Variants in AMPH observed in about 807,000 individuals in gnomAD.
AMPH encodes the protein amphiphysin.
AMPH carries 49 observed loss-of-function variants against 99.1 expected under a neutral mutation model. The observed-to-expected ratio is 0.49, with a 90% CI of 0.39 to 0.63. AMPH has a LOEUF of 0.63. Ranked by LOEUF, AMPH falls within the 20% of genes least tolerant of loss-of-function variation. The pLI is 0.00. For missense variants in AMPH, 759 were observed against 863.4 expected, an observed-to-expected ratio of 0.88 and a Z score of 1.52; for synonymous variants, 314 against 317.3, an observed-to-expected ratio of 0.99 and a Z score of 0.11.
intron 15 of AMPH, among the ~76,000 whole-genome samples, chr7:38,423,111 T>G (rs968002062): frequency 2.0e-5 from 3 of 152,248 alleles, no homozygotes; most frequent in Non-Finnish European, 4.4e-5. Flanking sequence ...TTCTGGCCGT[T>G]GATATCAAAT....
chr7:38,592,730 C>CA (rs397755917), intron 1 of AMPH, among the ~76,000 whole-genome samples: 2,016 of 98,598 alleles, frequency 0.02, 16 homozygotes, highest in Non-Finnish European at 0.025. Context: ...GACTCCGTCT[C>CA]AAAAAAAAAA....
At chr7:38,624,461 C>T (rs1428828815) in intron 1 of AMPH, among the ~76,000 whole-genome samples, 3 of 151,654 alleles carry the variant, frequency 2.0e-5, no homozygotes, top group African/African-American at 7.3e-5. Flanking sequence ...GTGGCACAAT[C>T]GCGGCTCACT....
intron 11 of AMPH, among the ~76,000 whole-genome samples, chr7:38,452,759 G>C (rs955288742): frequency 1.3e-5 from 2 of 152,202 alleles, no homozygotes; most frequent in African/African-American, 4.8e-5. Flanking sequence ...CCCACAGTGT[G>C]GTGCCAACAC....
intron 1 of AMPH, among the ~76,000 whole-genome samples, chr7:38,589,859 T>C (rs1016335157): frequency 8.5e-5 from 13 of 152,180 alleles, no homozygotes; most frequent in African/African-American, 3.1e-4. Context: ...GACCTCCTCA[T>C]AGGCAAGATT....
At chr7:38,516,961 T>A (rs950956460) in intron 2 of AMPH, among the ~76,000 whole-genome samples, 4 of 152,242 alleles carry the variant, frequency 2.6e-5, no homozygotes, top group Admixed American at 2.0e-4. Flanking sequence ...TTGATCAATT[T>A]ATCCCTTTTG....
intron 11 of AMPH, among the ~76,000 whole-genome samples, chr7:38,438,271 G>A (rs1325594044): frequency 6.6e-6 from 1 of 152,146 alleles, no homozygotes; most frequent in Non-Finnish European, 1.5e-5. Flanking sequence ...TCTCCAGACT[G>A]CATTGTACCT....
intron 1 of AMPH, among the ~76,000 whole-genome samples, chr7:38,598,188 CT>C (rs1793123889): frequency 6.6e-6 from 1 of 152,180 alleles, no homozygotes; most frequent in Non-Finnish European, 1.5e-5. Flanking sequence ...GGTCAACTTC[CT>C]TTTAGTGAAA....
intron 2 of AMPH, among the ~76,000 whole-genome samples, chr7:38,526,783 ATCACAT>A: frequency 6.6e-6 from 1 of 152,154 alleles, no homozygotes; most frequent in East Asian, 1.9e-4. Flanking sequence ...GGTCCAATTT[ATCACAT>A]TTTCCTCTTT....
intron 2 of AMPH, among the ~76,000 whole-genome samples, chr7:38,520,006 A>G (rs1470715127): frequency 1.3e-5 from 2 of 152,152 alleles, no homozygotes; most frequent in African/African-American, 2.4e-5. Context: ...AAATAAATAA[A>G]TAAATAAAAA....
intron 7 of AMPH, among the ~76,000 whole-genome samples, chr7:38,474,252 A>G (rs1425145481): frequency 2.0e-5 from 3 of 152,018 alleles, no homozygotes; most frequent in African/African-American, 7.2e-5. Flanking sequence ...CCAAAAAAAT[A>G]AAATAAAATA....
At chr7:38,424,731 G>A (rs1367544543) in intron 15 of AMPH, among the ~76,000 whole-genome samples, 1 of 152,078 alleles carries the variant, frequency 6.6e-6, no homozygotes, top group Non-Finnish European at 1.5e-5. Context: ...GGCTTATACA[G>A]TGGATGAAAA....
At chr7:38,578,120 T>G (rs1792314202) in intron 1 of AMPH, among the ~76,000 whole-genome samples, 1 of 152,110 alleles carries the variant, frequency 6.6e-6, no homozygotes, top group Admixed American at 6.6e-5. Context: ...GCCCCCAAAC[T>G]TTTCCAGGAG....
chr7:38,526,957 T>A (rs1398032674), intron 2 of AMPH, among the ~76,000 whole-genome samples: 1 of 152,226 alleles, frequency 6.6e-6, no homozygotes, highest in Non-Finnish European at 1.5e-5. Context: ...TAGTTTTAGG[T>A]CAAAGTTCAG....
At chr7:38,429,124 A>G (rs1449871293) in intron 14 of AMPH, 2 of 1,289,960 alleles carry the variant, frequency 1.6e-6, no homozygotes, top group Non-Finnish European at 2.0e-6. Context: ...TCTTCATCTG[A>G]CTTCTTCATA....
chr7:38,477,152 T>C (rs933275841), intron 5 of AMPH, among the ~76,000 whole-genome samples, 183 bp from the exon 6 acceptor site: 4 of 152,020 alleles, frequency 2.6e-5, no homozygotes, highest in African/African-American at 9.7e-5. Flanking sequence ...TCCAATCCTT[T>C]GTGTTGAAGC....
At position 38,391,926 on chromosome 7, in the gene AMPH, T is replaced by C. The variant is rs1296265137; in HGVS notation, c.1700A>G (p.Glu567Gly). 7 of 1,612,406 alleles carry C rather than the reference T, an allele frequency of 4.3e-6. No homozygotes were observed. The highest frequency in any genetic ancestry group is 5.9e-6 in the Non-Finnish European group (7 of 1,179,886). Residue 567 changes from glutamate to glycine, a missense_variant, in exon 19 of 21, where the codon GAG becomes GGG. Physicochemically the swap from Glu to Gly is moderately conservative, Grantham distance 98. Around this residue, in one of 2 missense-constraint regions of AMPH, gnomAD observed 554 missense variants for 575.6 expected, o/e 0.96. Transcript: ENST00000356264. ...NEITIGAEPK[E>G]TTEDAAPPGP... is the part of the protein sequence containing the mutation. The stretch of plus-strand genomic sequence containing the variant: ...CGGAGGAGCCGCGTCCTCGGTGGTC[T>C]CCTTGGGCTCTGCACCTATAGTTAT...
chr7:38,398,767 A>C (rs536985956), intron 17 of AMPH, among the ~76,000 whole-genome samples: 118 of 152,358 alleles, frequency 7.7e-4, no homozygotes, highest in African/African-American at 2.7e-3. Flanking sequence ...TAATTACTAC[A>C]TGTCATATAT....
intron 2 of AMPH, among the ~76,000 whole-genome samples, chr7:38,515,298 T>G (rs1280929473): frequency 6.6e-6 from 1 of 152,214 alleles, no homozygotes; most frequent in Non-Finnish European, 1.5e-5. Flanking sequence ...TCCCCAATGT[T>G]GGAGGAGGGA....
chr7:38,452,581 CTT>C (rs1486656980), intron 11 of AMPH, among the ~76,000 whole-genome samples: 4 of 152,188 alleles, frequency 2.6e-5, no homozygotes, highest in African/African-American at 9.7e-5. Flanking sequence ...ATATGGAAGA[CTT>C]TGAGTCACAC....
Sources: allele counts gnomAD v4.1 joint callset (sites outside exome capture counted in the v4.1 genomes callset), GRCh38; gene constraint gnomAD v4.1.1; regional missense constraint gnomAD v4.1.1; transcripts MANE v1.5; gene names NCBI Gene and HGNC (gene_info 2026-07-23, HGNC 2026-07-21).